The following FRMD4A variants were observed in gnomAD, a reference collection of about 807,000 sequenced individuals.
The protein encoded by FRMD4A is FERM domain-containing protein 4A.
In FRMD4A, 29 loss-of-function variants were observed where a neutral mutation model predicts 129.1. That is an observed-to-expected ratio of 0.22 (90% CI 0.17 to 0.31). The LOEUF (loss-of-function observed/expected upper bound fraction) is 0.31. FRMD4A is among the 10% of genes least tolerant of loss of function. FRMD4A has a pLI of 1.00. For synonymous variants in FRMD4A, 634 were observed against 571.6 expected (o/e 1.11, Z -1.56); for missense variants, 1,272 against 1,375.8 (o/e 0.92, Z 1.19).
At chr10:14,318,538 G>A (rs1846840219) in intron 2 of FRMD4A, among the ~76,000 whole-genome samples, 1 of 147,408 alleles carries the variant, frequency 6.8e-6, no homozygotes, top group Non-Finnish European at 1.5e-5. Context: ...CATGCACTAA[G>A]CACATGTTAG....
chr10:13,891,915 G>A lies in FRMD4A; in HGVS notation c.46-33003C>T, dbSNP rs945995657. On this transcript the variant is annotated intron_variant, in intron 2 of 24. Transcript: ENST00000357447. ...CGGCCCGCCGCATGGTGCGCCCAGC[G>A]CGCCCCGAGCCAGTCCCCGGCGCGC... is the stretch of plus-strand genomic sequence containing the variant. Among the ~76,000 whole-genome samples the A allele has an allele frequency of 1.4e-3, 213 of 147,030 alleles. 2 individuals carry two copies. Among genetic ancestry groups the A allele is most frequent in the African/African-American group, 5.0e-3 (204 of 40,760 alleles).
At chr10:13,758,265 G>A (rs1041181474) in intron 8 of FRMD4A, among the ~76,000 whole-genome samples, 6 of 152,162 alleles carry the variant, frequency 3.9e-5, no homozygotes, top group Non-Finnish European at 8.8e-5. Flanking sequence ...TCTTTTGTGT[G>A]TGGCCATTCA....
intron 2 of FRMD4A, among the ~76,000 whole-genome samples, chr10:13,893,609 C>G (rs1018417200): frequency 3.9e-5 from 6 of 152,054 alleles, no homozygotes; most frequent in African/African-American, 1.2e-4. Context: ...TGCAGCCTCC[C>G]CTCCTGGGTT....
At chr10:14,056,563 T>A (rs766525121) in intron 2 of FRMD4A, among the ~76,000 whole-genome samples, 4 of 152,162 alleles carry the variant, frequency 2.6e-5, no homozygotes, top group Non-Finnish European at 5.9e-5. Flanking sequence ...CTCCACCCTC[T>A]GTAACTGAAA....
intron 21 of FRMD4A, 149 bp downstream of exon 21, chr10:13,659,174 T>C: frequency 1.4e-6 from 1 of 740,150 alleles, no homozygotes; most frequent in East Asian, 2.7e-5. Flanking sequence ...GGTTGACTGC[T>C]GCCAGCTTGG....
intron 2 of FRMD4A, among the ~76,000 whole-genome samples, chr10:13,859,404 T>C (rs141165157): frequency 1.4e-4 from 21 of 152,186 alleles, no homozygotes; most frequent in African/African-American, 4.8e-4. Flanking sequence ...AAAATATCAA[T>C]TGAGCACTTT....
chr10:14,330,535 C>T (rs553890747), intron 1 of FRMD4A, 62 bp downstream of exon 1: 14 of 408,376 alleles, frequency 3.4e-5, no homozygotes, highest in Admixed American at 2.9e-4. Context: ...GCCCGAGCCA[C>T]CCCCTCTCTC....
intron 2 of FRMD4A, among the ~76,000 whole-genome samples, chr10:13,941,264 G>A (rs151050770): frequency 1.1e-3 from 167 of 152,216 alleles, no homozygotes; most frequent in African/African-American, 3.9e-3. Flanking sequence ...GTTTTATAAG[G>A]GGAAACCCCT....
intron 2 of FRMD4A, among the ~76,000 whole-genome samples, chr10:13,940,728 T>C (rs2095285122): frequency 5.9e-5 from 9 of 152,190 alleles, no homozygotes. Flanking sequence ...AAGATGTCCT[T>C]GGGTGGACAA....
In FRMD4A at chr10:13,855,668, T is replaced by C. The variant is rs571915048; in HGVS notation, c.111+3179A>G. ...ACAATATCAGTCTCAGTGTTTAATA[T>C]ATTTTGATGACTAAAGTATAAATGA... is the stretch of plus-strand genomic sequence containing the variant. On this transcript the variant is annotated intron_variant, in intron 3 of 24. Coordinates refer to ENST00000357447, the MANE Select transcript of FRMD4A (RefSeq NM_018027.5). 3.9e-5 allele frequency among the ~76,000 whole-genome samples: 6 copies of C among 152,326 alleles called. No individual in the cohort carries two copies. The South Asian group carries it at 1.0e-3, about 26-fold the overall frequency.
chr10:14,080,043 G>C (rs1474361765), intron 2 of FRMD4A, among the ~76,000 whole-genome samples: 3 of 152,158 alleles, frequency 2.0e-5, no homozygotes, highest in East Asian at 3.9e-4. Context: ...CTCCTGCCTG[G>C]ACCTCCCTGC....
At chr10:13,930,607 T>C (rs2095183131) in intron 2 of FRMD4A, among the ~76,000 whole-genome samples, 1 of 152,098 alleles carries the variant, frequency 6.6e-6, no homozygotes, top group South Asian at 2.1e-4. Context: ...GCAAAGAGTG[T>C]CACTGCCAGA....
chr10:14,156,853 G>A (rs576097219), intron 2 of FRMD4A, among the ~76,000 whole-genome samples: 1 of 152,260 alleles, frequency 6.6e-6, no homozygotes, highest in Admixed American at 6.5e-5. Context: ...CTATCAAAGA[G>A]GCTTCTTCAT....
At chr10:14,246,551 G>T (rs908026580) in intron 2 of FRMD4A, among the ~76,000 whole-genome samples, 1 of 152,142 alleles carries the variant, frequency 6.6e-6, no homozygotes, top group Admixed American at 6.5e-5. Context: ...ACACATGCAT[G>T]TATTTACACA....
At chr10:13,695,484 C>T (rs1198625170) in intron 14 of FRMD4A, among the ~76,000 whole-genome samples, 5 of 152,182 alleles carry the variant, frequency 3.3e-5, no homozygotes, top group Non-Finnish European at 7.3e-5. Context: ...TTTCTACCTT[C>T]GGTAGTGACA....
intron 2 of FRMD4A, among the ~76,000 whole-genome samples, chr10:14,056,044 T>C (rs1834513239): frequency 6.6e-6 from 1 of 152,158 alleles, no homozygotes; most frequent in Non-Finnish European, 1.5e-5. Flanking sequence ...ACGTCATTCT[T>C]TTTTAGAGAT....
At chr10:13,750,117 A>AAAAG (rs60174242) in intron 8 of FRMD4A, among the ~76,000 whole-genome samples, 1 of 133,124 alleles carries the variant, frequency 7.5e-6, no homozygotes, top group Non-Finnish European at 1.6e-5. Flanking sequence ...ATGAAGAAAG[A>AAAAG]AAGAAAGAAA....
At chr10:14,220,058 G>A (rs938633610) in intron 2 of FRMD4A, among the ~76,000 whole-genome samples, 6 of 152,156 alleles carry the variant, frequency 3.9e-5, no homozygotes, top group East Asian at 3.8e-4. Flanking sequence ...TGTCCATGAC[G>A]ACCATGTGGT....
intron 2 of FRMD4A, among the ~76,000 whole-genome samples, chr10:13,860,969 G>A (rs1156476737): frequency 6.6e-6 from 1 of 152,104 alleles, no homozygotes; most frequent in African/African-American, 2.4e-5. Context: ...AACTCTCCAG[G>A]CTAAGAATAA....
Sources: allele counts gnomAD v4.1 joint callset (sites outside exome capture counted in the v4.1 genomes callset), GRCh38; gene constraint gnomAD v4.1.1; transcripts MANE v1.5; gene names NCBI Gene and HGNC (gene_info 2026-07-23, HGNC 2026-07-21).